Variants in CSGALNACT2 observed in about 807,000 individuals in gnomAD.
The protein encoded by CSGALNACT2 is chondroitin sulfate N-acetylgalactosaminyltransferase 2.
CSGALNACT2 carries 35 observed loss-of-function variants against 55.3 expected under a neutral mutation model. That is an observed-to-expected ratio of 0.63 (90% CI 0.48 to 0.84). CSGALNACT2 has a LOEUF of 0.84. CSGALNACT2 is among the 40% of genes least tolerant of loss of function. The pLI is 0.00. For synonymous variants in CSGALNACT2, 196 were observed against 224.9 expected, an observed-to-expected ratio of 0.87 and a Z score of 1.15; for missense variants, 544 against 657.5, an observed-to-expected ratio of 0.83 and a Z score of 1.89.
At chr10:43,170,121 T>TAA (rs1839354295) in intron 6 of CSGALNACT2, among the ~76,000 whole-genome samples, 1 of 152,198 alleles carries the variant, frequency 6.6e-6, no homozygotes, top group Admixed American at 6.5e-5. Context: ...TGTAAATAGT[T>TAA]ATGTTGACAT....
At chr10:43,180,033 T>C (rs374953543) in intron 7 of CSGALNACT2, among the ~76,000 whole-genome samples, 101 of 152,340 alleles carry the variant, frequency 6.6e-4, no homozygotes, top group African/African-American at 2.2e-3. Context: ...GACACACTTA[T>C]TAAGCAGAGT....
chr10:43,183,518 GACAA>G lies in CSGALNACT2; in HGVS notation c.1609_1612del (p.Asn537ValfsTer50). The G allele has an allele frequency of 6.2e-7, 1 of 1,614,002 alleles. No homozygotes were observed. Reference sequence around the variant, plus strand: ...CGCATCTTCATAAACAGGCATACAGGACAAACAGTGAAGCTGTTGGTTGAAATCA... The same window carrying G: ...CGCATCTTCATAAACAGGCATACAGGACAGTGAAGCTGTTGGTTGAAATCA... On this transcript the variant is annotated frameshift_variant, in exon 8 of 8. Coordinates refer to ENST00000374466, the MANE Select transcript of CSGALNACT2 (RefSeq NM_018590.5). LOFTEE classifies it high-confidence loss of function.
intron 7 of CSGALNACT2, among the ~76,000 whole-genome samples, chr10:43,177,238 T>G (rs942329315): frequency 3.3e-5 from 5 of 152,230 alleles, no homozygotes; most frequent in African/African-American, 1.2e-4. Context: ...TTTCAGTATC[T>G]TGAATGCTTT....
intron 1 of CSGALNACT2, among the ~76,000 whole-genome samples, chr10:43,152,472 A>T (rs1199738363): frequency 6.6e-6 from 1 of 152,232 alleles, no homozygotes; most frequent in African/African-American, 2.4e-5. Context: ...ATTGGAAAAT[A>T]TTCAACTGTA....
At chr10:43,163,304 T>C (rs1341693600) in intron 4 of CSGALNACT2, 3 of 825,848 alleles carry the variant, frequency 3.6e-6, no homozygotes, top group South Asian at 5.6e-5. Context: ...ACTGCATCCA[T>C]AGTAATGAAC....
In CSGALNACT2 at chr10:43,166,951, A is replaced by T. The variant is rs115420581; in HGVS notation, c.1160-53A>T. ...AAACTTAATAGATATTGCAATAAAG[A>T]ACAGTTCTTCATAACTTCTTTTTAT... On this transcript the variant is annotated intron_variant, in intron 5 of 7. Transcript: ENST00000374466. The T allele has an allele frequency of 4.4e-3, 4,718 of 1,078,536 alleles. 127 individuals are homozygous for T. In the African/African-American group the frequency reaches 0.063, roughly 15 times the overall value. 66.8% of individuals were successfully genotyped at this position (1,078,536 alleles called of 1,614,324 possible).
intron 6 of CSGALNACT2, among the ~76,000 whole-genome samples, chr10:43,167,355 AATGT>A (rs1564517788): frequency 0.012 from 1,778 of 152,276 alleles, 37 homozygotes; most frequent in African/African-American, 0.04. Context: ...CATGTCCCAG[AATGT>A]GGAAATTGTA....
chr10:43,139,910 T>C (rs546676219), intron 1 of CSGALNACT2, among the ~76,000 whole-genome samples: 2 of 152,348 alleles, frequency 1.3e-5, no homozygotes, highest in East Asian at 1.9e-4. Flanking sequence ...TTAAGAATAC[T>C]GTGGGCCTGG....
intron 4 of CSGALNACT2, among the ~76,000 whole-genome samples, chr10:43,161,536 A>T (rs911609466): frequency 6.6e-6 from 1 of 152,144 alleles, no homozygotes; most frequent in Non-Finnish European, 1.5e-5. Flanking sequence ...TTCCAGGTAC[A>T]CTGCTTGGGA....
intron 3 of CSGALNACT2, among the ~76,000 whole-genome samples, chr10:43,159,550 A>G (rs1434427398): frequency 1.3e-5 from 2 of 152,180 alleles, no homozygotes; most frequent in Admixed American, 6.5e-5. Context: ...CACCACCCCA[A>G]TTAAGATACA....
chr10:43,147,237 A>T (rs1838776850), intron 1 of CSGALNACT2, among the ~76,000 whole-genome samples: 1 of 151,892 alleles, frequency 6.6e-6, no homozygotes, highest in Non-Finnish European at 1.5e-5. Context: ...GGCCTCCCAA[A>T]GTGCTGGGAT....
rs761324012 is a variant in CSGALNACT2, at chr10:43,155,572, T to C, written c.423T>C (p.Ser141=). The C allele has an allele frequency of 6.2e-7, 1 of 1,614,200 alleles. No individual in the cohort carries two copies. Among genetic ancestry groups the C allele is most frequent in the Non-Finnish European group, 8.5e-7 (1 of 1,180,028 alleles). ...TTAGCATAGGGGCCAAACTACCCAG[T>C]GAGTATGGGGTCATTCCCTTTGAAA... ...AEVSIGAKLP[S]EYGVIPFESF... is the part of the protein sequence containing the mutation. The change falls in exon 2 of 8, where the codon AGT becomes AGC. Residue 141 remains serine (S), a synonymous_variant. Transcript: ENST00000374466.
rs1434439557 is a variant in CSGALNACT2 at position 43,143,490 on chromosome 10, A to G, written c.-254+4923A>G. ...GCATTTAAATCAAGTTTGCTCTCCA[A>G]AAATGTGTGTGTGTGTGTGTGTGTG... On this transcript the variant is annotated intron_variant, in intron 1 of 7. Coordinates refer to ENST00000374466, the MANE Select transcript of CSGALNACT2 (RefSeq NM_018590.5). Among the ~76,000 whole-genome samples the G allele has an allele frequency of 2.3e-5, 3 of 127,746 alleles. No individual in the cohort carries two copies. The East Asian group carries it at 7.1e-4, about 30-fold the overall frequency. 83.8% of individuals were successfully genotyped at this position (127,746 alleles called of 152,430 possible).
intron 7 of CSGALNACT2, among the ~76,000 whole-genome samples, chr10:43,180,497 T>TG (rs1839570137): frequency 6.6e-6 from 1 of 152,198 alleles, no homozygotes; most frequent in African/African-American, 2.4e-5. Flanking sequence ...TTCCGCATCT[T>TG]GTGTGTTATC....
intron 4 of CSGALNACT2, chr10:43,162,979 A>G (rs1408103357): frequency 5.1e-6 from 5 of 985,098 alleles, no homozygotes; most frequent in Non-Finnish European, 6.0e-6. Context: ...CCCTTCTCTC[A>G]TTGTTCCCAT....
chr10:43,179,254 T>G (rs924193251), intron 7 of CSGALNACT2, among the ~76,000 whole-genome samples: 3 of 151,730 alleles, frequency 2.0e-5, no homozygotes, highest in African/African-American at 7.2e-5. Context: ...TGCCGGTTTT[T>G]TTTTTTTTTT....
chr10:43,174,745 G>T (rs1475739994), intron 6 of CSGALNACT2, among the ~76,000 whole-genome samples: 1 of 151,990 alleles, frequency 6.6e-6, no homozygotes, highest in Non-Finnish European at 1.5e-5. Flanking sequence ...TCTTTTCTTT[G>T]TAGCATGTAT....
intron 6 of CSGALNACT2, among the ~76,000 whole-genome samples, chr10:43,168,950 C>G (rs1018856279): frequency 6.6e-6 from 1 of 152,144 alleles, no homozygotes; most frequent in Non-Finnish European, 1.5e-5. Context: ...TTCAAGAGAA[C>G]AGTGAGTGAA....
intron 1 of CSGALNACT2, among the ~76,000 whole-genome samples, chr10:43,140,156 C>T (rs1215954197): frequency 6.6e-6 from 1 of 151,920 alleles, no homozygotes; most frequent in Non-Finnish European, 1.5e-5. Flanking sequence ...GCCTGGACGA[C>T]AGAGCCTGAC....
Sources: gnomAD v4.1 joint callset for allele counts (sites outside exome capture counted in the v4.1 genomes callset) on GRCh38, gnomAD v4.1.1 for gene constraint, MANE v1.5 for transcripts, NCBI Gene and HGNC (gene_info 2026-07-23, HGNC 2026-07-21) for gene names.